The following INTS1 variants were observed in gnomAD, a reference collection of about 807,000 sequenced individuals.
INTS1 encodes the protein integrator complex subunit 1.
INTS1 carries 137 observed loss-of-function variants against 241.6 expected under a neutral mutation model. That is an observed-to-expected ratio of 0.57 (90% CI 0.49 to 0.65). INTS1 has a LOEUF of 0.65. Ranked by LOEUF, INTS1 falls within the 30% of genes least tolerant of loss-of-function variation. The probability of loss-of-function intolerance (pLI) is 0.00; values close to 1 mark genes in which losing one functional copy is unlikely to be tolerated. For synonymous variants in INTS1, 1,692 were observed against 1,337.8 expected (o/e 1.26, Z -5.78); for missense variants, 3,073 against 3,032.2 (o/e 1.01, Z -0.32).
At position 1,503,082 on chromosome 7, in the gene INTS1, C is replaced by T; in HGVS notation, c.168G>A (p.Glu56=). The change falls in exon 3 of 48, where the codon GAG becomes GAA. Residue 56 remains glutamate (E), a synonymous_variant. Coordinates refer to ENST00000404767, the MANE Select transcript of INTS1 (RefSeq NM_001080453.3). ...ACGCGGCCGCCGCATCCCGCTTGCG[C>T]TCAGAAGGCAGGCCGGAAGGGGCTG... ...LKPAPSGLPS[E]RKRDAAAALS... The T allele has an allele frequency of 6.2e-7, 1 of 1,612,234 alleles. No homozygotes were observed. Among genetic ancestry groups the T allele is most frequent in the Non-Finnish European group, 8.5e-7 (1 of 1,178,694 alleles).
At chr7:1,474,564 T>G in intron 40 of INTS1, 141 bp downstream of exon 40, 5 of 1,287,704 alleles carry the variant, frequency 3.9e-6, no homozygotes, top group South Asian at 3.0e-5. Context: ...CAGTCCTGAC[T>G]TCCCCCGGTC....
chr7:1,478,064 A>G (rs10265526), intron 33 of INTS1, 128 bp from the exon 34 acceptor site: 446,185 of 817,310 alleles, frequency 0.55, 126,929 homozygotes, highest in African/African-American at 0.8. Context: ...GTCCAGCCGG[A>G]GCCAGAGAGG....
At chr7:1,477,988 CGCT>C in intron 33 of INTS1, 52 bp from the exon 34 acceptor site, 1 of 1,518,806 alleles carries the variant, frequency 6.6e-7, no homozygotes, top group Non-Finnish European at 9.1e-7. Flanking sequence ...GGGTGGGGGC[CGCT>C]GAGTGGGTGT....
In INTS1 at chr7:1,473,708, C is replaced by T. The variant is rs765390939; in HGVS notation, c.5830-15G>A. ...TTCCTGTAATTCTGCAAAGCAAAAG[C>T]GGCACCCTCGAGCTGCTCTGCCCCG... On this transcript the variant is annotated splice_polypyrimidine_tract_variant and intron_variant, in intron 41 of 47. Coordinates refer to ENST00000404767, the MANE Select transcript of INTS1 (RefSeq NM_001080453.3). The T allele has an allele frequency of 1.6e-5, 25 of 1,612,266 alleles. No individual in the cohort carries two copies. In the East Asian group the frequency reaches 2.2e-4, roughly 14 times the overall value.
rs1214744608 is a variant in INTS1, at chr7:1,480,823, C to G, written c.3949+12G>C. 3 of 1,547,236 alleles carry G rather than the reference C, an allele frequency of 1.9e-6. No homozygotes were observed. The African/African-American group carries it at 4.1e-5, about 21-fold the overall frequency. On this transcript the variant is annotated intron_variant, in intron 29 of 47. Transcript: ENST00000404767. ...GCTGGGTCTCTGTGCTGGCCCCACC[C>G]CTCCCCAGTACCTCGGCGGGGCGGC...
chr7:1,477,991 T>G, intron 33 of INTS1, 55 bp from the exon 34 acceptor site: 1 of 1,474,928 alleles, frequency 6.8e-7, no homozygotes. Flanking sequence ...TGGGGGCCGC[T>G]GAGTGGGTGT....
chr7:1,483,978 C>T (rs1000654665), intron 25 of INTS1, 25 bp downstream of exon 25: 14 of 1,597,074 alleles, frequency 8.8e-6, no homozygotes, highest in Non-Finnish European at 1.2e-5. Context: ...CGCCCTCACC[C>T]GGCCGTAGAC....
In INTS1 at chr7:1,498,782, A is replaced by G. The variant is rs769171063; in HGVS notation, c.1208T>C (p.Met403Thr). 15 of 1,595,264 alleles carry G rather than the reference A, an allele frequency of 9.4e-6. No individual in the cohort carries two copies. Among genetic ancestry groups the G allele is most frequent in the African/African-American group, 2.7e-5 (2 of 74,548 alleles). ...MNCNTHGSED[M>T]DVISHLIKIR... is the part of the protein sequence containing the mutation. The stretch of plus-strand genomic sequence containing the variant: ...CTTGATCAGGTGTGAGATGACGTCC[A>G]TGTCTTCGGAACCGTGCGTGTTGCA... The change falls in exon 9 of 48, where the codon ATG (methionine) becomes ACG (threonine). Residue 403 changes from methionine (M) to threonine (T), a missense_variant. Physicochemically the swap from Met to Thr is moderately conservative, Grantham distance 81. Coordinates refer to ENST00000404767, the MANE Select transcript of INTS1 (RefSeq NM_001080453.3).
intron 19 of INTS1, 126 bp from the exon 20 acceptor site, chr7:1,487,575 G>C (rs1782333801): frequency 7.5e-6 from 10 of 1,332,742 alleles, no homozygotes; most frequent in East Asian, 2.5e-5. Context: ...ATCCTGACCT[G>C]GGATGTCCCC....
At chr7:1,474,913 A>T in intron 39 of INTS1, 75 bp from the exon 40 acceptor site, 1 of 1,507,362 alleles carries the variant, frequency 6.6e-7, no homozygotes, top group African/African-American at 1.4e-5. Context: ...CCTGGCCGCC[A>T]GCTGTGGCCG....
chr7:1,489,977 A>C (rs922218180), intron 16 of INTS1, among the ~76,000 whole-genome samples: 1 of 152,192 alleles, frequency 6.6e-6, no homozygotes, highest in African/African-American at 2.4e-5. Context: ...TTTGTACTCT[A>C]CATGACATAA....
In INTS1 at chr7:1,496,224, G is replaced by C; in HGVS notation, c.1643C>G (p.Ser548Cys). ...CTGCGCTGTGATGCCCAGCATCATG[G>C]ACACGGCCAGGACGTCGGTGATGTG... Reference protein sequence around the residue: ...VVHITDVLAVSMMLGITAQVK... With the variant: ...VVHITDVLAVCMMLGITAQVK... The change falls in exon 12 of 48, where the codon TCC becomes TGC. Residue 548 changes from serine (S) to cysteine (C), a missense_variant. Transcript: ENST00000404767. The C allele has an allele frequency of 6.2e-7, 1 of 1,613,864 alleles. No homozygotes were observed. Among genetic ancestry groups the C allele is most frequent in the Non-Finnish European group, 8.5e-7 (1 of 1,179,832 alleles).
intron 22 of INTS1, among the ~76,000 whole-genome samples, chr7:1,485,999 T>C (rs1461213068): frequency 6.6e-6 from 1 of 152,082 alleles, no homozygotes; most frequent in Non-Finnish European, 1.5e-5. Context: ...ATGGGTATCA[T>C]TATGTTGCCC....
Position 1,474,851 on chromosome 7 carries a change from G to A in INTS1, c.5503-13C>T. Reference sequence around the variant, plus strand: ...TGAGTCCGTCCAGCTGCAGGGAGGGGCGCTCTGAGGCCGGGGCCGCTGGCT... The same window carrying A: ...TGAGTCCGTCCAGCTGCAGGGAGGGACGCTCTGAGGCCGGGGCCGCTGGCT... On this transcript the variant is annotated splice_polypyrimidine_tract_variant and intron_variant, in intron 39 of 47. Coordinates refer to ENST00000404767, the MANE Select transcript of INTS1 (RefSeq NM_001080453.3). The A allele has an allele frequency of 1.3e-6, 2 of 1,575,252 alleles. No homozygotes were observed. Among genetic ancestry groups the A allele is most frequent in the Non-Finnish European group, 1.7e-6 (2 of 1,162,344 alleles).
rs756183033 is a variant in INTS1, at chr7:1,498,519, T to C, written c.1318A>G (p.Thr440Ala). The part of the protein sequence containing the change: ...LLSAHKDNLG[T>A]TIKLVIFNEL... ...TTGAAGATCACCAACTTGATGGTGG[T>C]GCCCAGGTTGTCCTTGTGCGCGCTC... The change falls in exon 10 of 48, where the codon ACC becomes GCC. Residue 440 changes from threonine to alanine, a missense_variant. Physicochemically the swap from Thr to Ala is moderately conservative, Grantham distance 58. Transcript: ENST00000404767. 1 of 1,613,878 alleles carries C rather than the reference T, an allele frequency of 6.2e-7. No individual in the cohort carries two copies. The highest frequency in any genetic ancestry group is 1.7e-5 in the Admixed American group (1 of 60,016).
rs201594026 is a variant in INTS1, at chr7:1,493,069, G to C, written c.2106C>G (p.Ile702Met). ...AGGTGCACAGATTCAGAACGGCGTCGATCAGCTGGGTCCTCCCCACCTTCA... is the reference window on the plus strand; with the variant it reads ...AGGTGCACAGATTCAGAACGGCGTCCATCAGCTGGGTCCTCCCCACCTTCA... ...EVLKVGRTQL[I>M]DAVLNLCTYH... The change falls in exon 16 of 48, where the codon ATC becomes ATG. Residue 702 changes from isoleucine to methionine, a missense_variant. Coordinates refer to ENST00000404767, the MANE Select transcript of INTS1 (RefSeq NM_001080453.3). This position sits in a 1 kb window ranked among gnomAD's most constrained non-coding sequence, Gnocchi z 5.3. 1.7e-5 allele frequency: 28 copies of C among 1,613,490 alleles called. No homozygotes were observed. Among genetic ancestry groups the C allele is most frequent in the Non-Finnish European group, 2.4e-5 (28 of 1,179,662 alleles).
chr7:1,480,226 G>C, intron 30 of INTS1, 91 bp downstream of exon 30: 1 of 1,438,854 alleles, frequency 6.9e-7, no homozygotes, highest in Non-Finnish European at 9.3e-7. Context: ...GGTCACGCAA[G>C]TAAAGGCCGC....
chr7:1,474,085 C>T (rs1781596961), intron 41 of INTS1, 83 bp downstream of exon 41: 3 of 1,415,174 alleles, frequency 2.1e-6, no homozygotes, highest in Non-Finnish European at 2.8e-6. Context: ...TCCTCCCAGT[C>T]CCTCCGCGAG....
intron 31 of INTS1, 102 bp from the exon 32 acceptor site, chr7:1,478,987 C>A (rs1781867362): frequency 3.0e-6 from 4 of 1,332,222 alleles, no homozygotes; most frequent in Non-Finnish European, 3.0e-6. Context: ...AGACCTGCCG[C>A]GACCGGCACT....
Sources: gnomAD v4.1 joint callset for allele counts (sites outside exome capture counted in the v4.1 genomes callset) on GRCh38, gnomAD v4.1.1 for gene constraint, Gnocchi (gnomAD v3.1) non-coding constraint, MANE v1.5 for transcripts, NCBI Gene and HGNC (gene_info 2026-07-23, HGNC 2026-07-21) for gene names.